TNS3: variants seen among roughly 807,000 people sequenced by gnomAD.
The protein encoded by TNS3 is tensin-3.
Under a neutral mutation model 140.9 loss-of-function variants are expected in TNS3, and 45 were observed. The ratio of observed to expected loss-of-function variants is 0.32; its 90% CI spans 0.25 to 0.41. The LOEUF (loss-of-function observed/expected upper bound fraction) is 0.41. TNS3 is among the 10% of genes least tolerant of loss of function. TNS3 has a pLI of 1.00. For synonymous variants in TNS3, 815 were observed against 788.4 expected (o/e 1.03, Z -0.56); for missense variants, 1,716 against 1,906.7 (o/e 0.90, Z 1.86).
intron 17 of TNS3, among the ~76,000 whole-genome samples, chr7:47,361,256 T>A (rs1416383381): frequency 8.2e-6 from 1 of 122,428 alleles, no homozygotes; most frequent in Non-Finnish European, 1.7e-5. Flanking sequence ...ACCCCAAGGC[T>A]CGCCTCTGCC....
intron 15 of TNS3, 152 bp downstream of exon 15, chr7:47,400,241 C>T: frequency 1.5e-6 from 1 of 684,590 alleles, no homozygotes; most frequent in South Asian, 2.2e-5. Flanking sequence ...TCTTGTTCCA[C>T]TATCCAATAT....
At chr7:47,493,782 C>T (rs546452520) in intron 3 of TNS3, among the ~76,000 whole-genome samples, 4 of 150,874 alleles carry the variant, frequency 2.7e-5, no homozygotes, top group Non-Finnish European at 5.9e-5. Context: ...GAGCCGAGAT[C>T]GCGCCACTGC....
chr7:47,402,479 C>A (rs912652677), intron 13 of TNS3, among the ~76,000 whole-genome samples: 1 of 152,204 alleles, frequency 6.6e-6, no homozygotes, highest in South Asian at 2.1e-4. Flanking sequence ...CACCTCTGTC[C>A]GAGACTGACT....
intron 27 of TNS3, among the ~76,000 whole-genome samples, chr7:47,290,063 C>T (rs988491121): frequency 1.3e-5 from 2 of 152,064 alleles, no homozygotes; most frequent in Non-Finnish European, 2.9e-5. Context: ...TTAAAGAACT[C>T]GAAAGTAGAC....
intron 4 of TNS3, among the ~76,000 whole-genome samples, chr7:47,461,904 T>G (rs1191911745): frequency 6.6e-6 from 1 of 152,210 alleles, no homozygotes; most frequent in Admixed American, 6.5e-5. Context: ...TATTCCTAAG[T>G]ATCTTTAAGC....
At chr7:47,481,388 G>A in intron 3 of TNS3, 1 of 330,190 alleles carries the variant, frequency 3.0e-6, no homozygotes, top group South Asian at 2.6e-5. Flanking sequence ...CCAGAAAAAT[G>A]CAAATCACTC....
chr7:47,293,922 G>T, intron 24 of TNS3, 94 bp from the exon 25 acceptor site: 1 of 1,149,168 alleles, frequency 8.7e-7, no homozygotes. Flanking sequence ...AGCTACAGTT[G>T]AAAAGGCTCT....
chr7:47,368,841 C>A lies in TNS3; in HGVS notation c.1805G>T (p.Ser602Ile), dbSNP rs1408891457. 6 of 1,613,378 alleles carry A rather than the reference C, an allele frequency of 3.7e-6. No homozygotes were observed. The African/African-American group carries it at 8.0e-5, about 22-fold the overall frequency. The stretch of plus-strand genomic sequence containing the variant: ...CCGGGCCTCCCCATCTGGGGCGAAG[C>A]TATACTGGTGAGCTACAACCATCTG... ...QQQMVVAHQY[S>I]FAPDGEARLV... is the part of the protein sequence containing the mutation. Residue 602 changes from serine to isoleucine, a missense_variant, in exon 17 of 31, where the codon AGC (serine) becomes ATC (isoleucine). Physicochemically the swap from Ser to Ile is moderately radical, Grantham distance 142. Coordinates refer to ENST00000311160, the MANE Select transcript of TNS3 (RefSeq NM_022748.12).
chr7:47,354,038 C>G (rs905973455), intron 17 of TNS3, among the ~76,000 whole-genome samples: 12 of 146,206 alleles, frequency 8.2e-5, no homozygotes, highest in Middle Eastern at 3.6e-3. Flanking sequence ...CACACAAATT[C>G]CAAGGTACGA....
intron 16 of TNS3, among the ~76,000 whole-genome samples, chr7:47,384,520 G>C (rs971976642): frequency 6.6e-6 from 1 of 152,166 alleles, no homozygotes; most frequent in Non-Finnish European, 1.5e-5. Flanking sequence ...ACATTTTATT[G>C]AGGCCCTGGC....
Position 47,364,797 on chromosome 7 carries a change from T to C in TNS3, c.2281+3568A>G, listed in dbSNP as rs572629691. On this transcript the variant is annotated intron_variant, in intron 17 of 30. Coordinates refer to ENST00000311160, the MANE Select transcript of TNS3 (RefSeq NM_022748.12). ...CTGTTTCCAATGCTGCGGCTAACCC[T>C]TCAGTGTCCATTCATCACTGCTCAT... Among the ~76,000 whole-genome samples the C allele has an allele frequency of 7.1e-4, 108 of 152,204 alleles. 1 individual carries two copies. Among genetic ancestry groups the C allele is most frequent in the Non-Finnish European group, 4.6e-4 (31 of 68,014 alleles).
At chr7:47,381,146 G>C (rs1407328613) in intron 16 of TNS3, among the ~76,000 whole-genome samples, 1 of 152,200 alleles carries the variant, frequency 6.6e-6, no homozygotes, top group East Asian at 1.9e-4. Context: ...TGAGTGTTCT[G>C]AACTGACGTC....
rs746219919 is a variant in TNS3, at chr7:47,303,568, G to A, written c.2839C>T (p.Arg947Cys). The change falls in exon 22 of 31, where the codon CGC becomes TGC. Residue 947 changes from arginine (R) to cysteine (C), a missense_variant. By Grantham distance (180) the Arg-to-Cys change is radical (BLOSUM62 -3). Transcript: ENST00000311160. ...QRRESSSSAERQWVESSPKPM... is the reference protein window; with the variant it reads ...QRRESSSSAECQWVESSPKPM... Reference sequence around the variant, plus strand: ...TTGGGGCTGCTCTCCACCCACTGGCGTTCTGCAGAAGAGGAGCTGTTCAAA... The same window carrying A: ...TTGGGGCTGCTCTCCACCCACTGGCATTCTGCAGAAGAGGAGCTGTTCAAA... 3.1e-6 allele frequency: 5 copies of A among 1,595,434 alleles called. No homozygotes were observed. The highest frequency in any genetic ancestry group is 2.2e-5 in the East Asian group (1 of 44,470).
At chr7:47,409,098 T>A (rs1793611470) in intron 13 of TNS3, among the ~76,000 whole-genome samples, 2 of 143,558 alleles carry the variant, frequency 1.4e-5, no homozygotes, top group African/African-American at 2.6e-5. Context: ...CAGAAAATAA[T>A]GAGGAGGAAG....
intron 9 of TNS3, 94 bp downstream of exon 9, chr7:47,428,218 G>T: frequency 1.1e-6 from 1 of 905,480 alleles, no homozygotes; most frequent in Non-Finnish European, 1.5e-6. Flanking sequence ...CCGAGCCCTT[G>T]GTATCCAGAA....
intron 30 of TNS3, chr7:47,279,907 A>T (rs1785050522): frequency 3.7e-6 from 2 of 543,922 alleles, no homozygotes; most frequent in East Asian, 6.5e-5. Context: ...TGTGCCATCC[A>T]TCTCCCTGTA....
At chr7:47,560,911 G>A (rs1462654945) in intron 1 of TNS3, among the ~76,000 whole-genome samples, 1 of 152,208 alleles carries the variant, frequency 6.6e-6, no homozygotes, top group African/African-American at 2.4e-5. Flanking sequence ...GGCAGGCCAT[G>A]GGTGTCCCCA....
chr7:47,574,200 G>GACCCTT (rs1210418903), intron 1 of TNS3, among the ~76,000 whole-genome samples: 1 of 151,934 alleles, frequency 6.6e-6, no homozygotes, highest in African/African-American at 2.4e-5. Flanking sequence ...AACAAAATCA[G>GACCCTT]ACCCTTTTAA....
chr7:47,575,544 G>A (rs765736173), intron 1 of TNS3, among the ~76,000 whole-genome samples: 17 of 152,044 alleles, frequency 1.1e-4, no homozygotes, highest in Non-Finnish European at 2.4e-4. Context: ...GGCCGGGCGC[G>A]GTGGCTCACG....
Sources: allele counts gnomAD v4.1 joint callset (sites outside exome capture counted in the v4.1 genomes callset), GRCh38; gene constraint gnomAD v4.1.1; transcripts MANE v1.5; gene names NCBI Gene and HGNC (gene_info 2026-07-23, HGNC 2026-07-21).